The following FBXO11 variants were observed in gnomAD, a reference collection of about 807,000 sequenced individuals.
FBXO11 encodes F-box protein 11.
FBXO11 carries 13 observed loss-of-function variants against 117.0 expected under a neutral mutation model. The observed-to-expected ratio is 0.11, with a 90% CI of 0.07 to 0.18. The LOEUF is 0.18. FBXO11 is among the 10% of genes least tolerant of loss of function. The pLI, the probability that FBXO11 is intolerant of heterozygous loss-of-function variation, is 1.00. For missense variants in FBXO11, 767 were observed against 1,164.4 expected (o/e 0.66, Z 4.97); for synonymous variants, 490 against 380.5 (o/e 1.29, Z -3.35).
chr2:47,807,218 A>C lies in FBXO11; in HGVS notation c.*900T>G, dbSNP rs143369107. 1.3e-4 allele frequency: 30 copies of C among 238,062 alleles called. No homozygotes were observed. The highest frequency in any genetic ancestry group is 1.9e-4 in the Non-Finnish European group (23 of 122,234). 14.7% of individuals were successfully genotyped at this position (238,062 alleles called of 1,614,324 possible). On this transcript the variant is annotated 3_prime_UTR_variant, in exon 23 of 23. Transcript: ENST00000403359. ...TCCAGCAGTTTTGTCTAAACTGTTC[A>C]AAAAAAAACTATGAACAGAGTTCAA...
intron 5 of FBXO11, 151 bp from the exon 6 acceptor site, chr2:47,835,022 C>G (rs760262696): frequency 7.9e-5 from 51 of 648,020 alleles, no homozygotes; most frequent in Non-Finnish European, 1.3e-4. Context: ...AATGTAAAAT[C>G]TAAAACAAGT....
chr2:47,826,093 T>G (rs190054577), intron 11 of FBXO11, among the ~76,000 whole-genome samples: 2 of 152,128 alleles, frequency 1.3e-5, no homozygotes, highest in African/African-American at 4.8e-5. Flanking sequence ...GAGTCTCACT[T>G]TGTCACCCAG....
intron 1 of FBXO11, among the ~76,000 whole-genome samples, chr2:47,876,868 ATT>A (rs1676042324): frequency 6.6e-6 from 1 of 151,890 alleles, no homozygotes; most frequent in African/African-American, 2.4e-5. Flanking sequence ...CTCTCCTAAA[ATT>A]TCTTTTGAAT....
At chr2:47,816,680 G>C (rs770064152) in intron 16 of FBXO11, among the ~76,000 whole-genome samples, 1 of 152,188 alleles carries the variant, frequency 6.6e-6, no homozygotes, top group African/African-American at 2.4e-5. Flanking sequence ...ATTAGCAGGC[G>C]TGAAAACAAC....
intron 1 of FBXO11, among the ~76,000 whole-genome samples, chr2:47,893,198 A>C (rs1317417539): frequency 6.6e-6 from 1 of 152,140 alleles, no homozygotes; most frequent in East Asian, 1.9e-4. Flanking sequence ...GGCAGAACAT[A>C]TACCAGACCG....
At chr2:47,820,198 A>AT (rs1184638971) in intron 14 of FBXO11, among the ~76,000 whole-genome samples, 164 bp downstream of exon 14, 8 of 152,352 alleles carry the variant, frequency 5.3e-5, no homozygotes, top group African/African-American at 1.9e-4. Context: ...TCATTAAGAT[A>AT]CTGGCAGGGA....
chr2:47,854,851 GTTTTTTTTTTTGT>G (rs1285017565), intron 1 of FBXO11, among the ~76,000 whole-genome samples: 5 of 75,126 alleles, frequency 6.7e-5, no homozygotes, highest in Admixed American at 4.6e-4. Context: ...TCTTTATTCT[GTTTTTTTTTTTGT>G]TTTTTTTTTT....
At position 47,906,070 on chromosome 2, in the gene FBXO11, G is replaced by A. The variant is rs993360474; in HGVS notation, c.-350C>T. On this transcript the variant is annotated 5_prime_UTR_variant, in exon 1 of 23. Coordinates refer to ENST00000403359, the MANE Select transcript of FBXO11 (RefSeq NM_001190274.2). ...CTTGGGGATCCCGAGGCGAAGCGCG[G>A]CGGCGGCGGCGGCGGCGGCTGAAGA... The A allele has an allele frequency of 2.6e-5, 7 of 266,204 alleles. No individual in the cohort carries two copies. The highest frequency in any genetic ancestry group is 1.1e-4 in the African/African-American group (5 of 44,122). The allele number at this position is 266,204 out of a possible 1,614,324, so 16.5% of individuals were successfully genotyped here. A position where few individuals can be genotyped will look rare whatever the true frequency, so the allele number is the denominator to read the frequency against.
chr2:47,813,576 C>T (rs914441564), intron 17 of FBXO11, among the ~76,000 whole-genome samples, 199 bp from the exon 18 acceptor site: 4 of 151,610 alleles, frequency 2.6e-5, no homozygotes, highest in Admixed American at 6.6e-5. Flanking sequence ...GGAATACAGG[C>T]GTGTGCCACC....
rs1674245744 is a variant in FBXO11 at position 47,855,786 on chromosome 2, T to C, written c.233-16017A>G. Among the ~76,000 whole-genome samples the C allele has an allele frequency of 2.0e-5, 3 of 150,992 alleles. No individual in the cohort carries two copies. In the East Asian group the frequency reaches 5.9e-4, roughly 29 times the overall value. On this transcript the variant is annotated intron_variant, in intron 1 of 22. Coordinates refer to ENST00000403359, the MANE Select transcript of FBXO11 (RefSeq NM_001190274.2). ...GGCAGAGGTTCCAGTGAGCCAAGAT[T>C]GTGCCATGGCACTCCAGCCTGGGCA... is the stretch of plus-strand genomic sequence containing the variant.
chr2:47,822,196 T>C (rs1345391192), intron 13 of FBXO11, 22 bp downstream of exon 13: 16 of 1,519,120 alleles, frequency 1.1e-5, no homozygotes, highest in Admixed American at 2.0e-5. Context: ...ATAAGTTTTA[T>C]AGAACAAAAC....
chr2:47,891,737 AC>A (rs1228087753), intron 1 of FBXO11, among the ~76,000 whole-genome samples: 2 of 152,102 alleles, frequency 1.3e-5, no homozygotes, highest in Non-Finnish European at 2.9e-5. Context: ...ATTTCTACCA[AC>A]AGTGTATAAG....
chr2:47,905,381 C>G (rs1257283018), intron 1 of FBXO11, 108 bp downstream of exon 1: 2 of 1,056,366 alleles, frequency 1.9e-6, no homozygotes, highest in African/African-American at 1.7e-5. Flanking sequence ...GGGTCTCCCA[C>G]CCCCAGGGCG....
chr2:47,904,169 C>T (rs1236686705), intron 1 of FBXO11, among the ~76,000 whole-genome samples: 1 of 152,134 alleles, frequency 6.6e-6, no homozygotes, highest in Non-Finnish European at 1.5e-5. Flanking sequence ...TTTTAAAAAA[C>T]ATTTAATCTC....
At chr2:47,899,947 T>TG (rs1677976057) in intron 1 of FBXO11, among the ~76,000 whole-genome samples, 1 of 127,106 alleles carries the variant, frequency 7.9e-6, no homozygotes, top group Non-Finnish European at 1.7e-5. Context: ...AAACAAACGG[T>TG]GGGGGGCGGG....
intron 11 of FBXO11, 34 bp downstream of exon 11, chr2:47,832,315 A>C (rs774900359): frequency 1.9e-6 from 3 of 1,541,804 alleles, no homozygotes; most frequent in Non-Finnish European, 2.6e-6. Context: ...CTGATACAGA[A>C]GTCCGTTTTT....
chr2:47,840,078 G>A (rs1672898975), intron 1 of FBXO11, among the ~76,000 whole-genome samples: 1 of 151,934 alleles, frequency 6.6e-6, no homozygotes, highest in South Asian at 2.1e-4. Context: ...CGAGTAGCTG[G>A]GACTACAGGC....
chr2:47,852,022 TGCTCTGTTGCCCAG>T (rs1178933578), intron 1 of FBXO11, among the ~76,000 whole-genome samples: 2 of 150,968 alleles, frequency 1.3e-5, no homozygotes, highest in East Asian at 3.9e-4. Context: ...GGCTGAGTCT[TGCTCTGTTGCCCAG>T]GTTGGAGTGC....
chr2:47,832,942 T>C (rs1167492357), intron 8 of FBXO11, 22 bp downstream of exon 8: 2 of 1,606,238 alleles, frequency 1.2e-6, no homozygotes, highest in Admixed American at 1.7e-5. Context: ...CAATGTGTAT[T>C]TTAAATCTTA....
Sources: gnomAD v4.1 joint callset for allele counts (sites outside exome capture counted in the v4.1 genomes callset) on GRCh38, gnomAD v4.1.1 for gene constraint, MANE v1.5 for transcripts, NCBI Gene and HGNC (gene_info 2026-07-23, HGNC 2026-07-21) for gene names.